The following SGCZ variants were observed in gnomAD, a reference collection of about 807,000 sequenced individuals.
The protein encoded by SGCZ is sarcoglycan zeta.
In SGCZ, 40 loss-of-function variants were observed where a neutral mutation model predicts 41.3. That is an observed-to-expected ratio of 0.97 (90% CI 0.75 to 1.26). SGCZ has a LOEUF of 1.26. Among genes scored for constraint, SGCZ ranks in the 50% most tolerant of loss-of-function variants. The pLI is 0.00. For missense variants in SGCZ, 552 were observed against 369.8 expected, an observed-to-expected ratio of 1.49 and a Z score of -4.04; for synonymous variants, 206 against 137.5, an observed-to-expected ratio of 1.50 and a Z score of -3.49.
chr8:15,177,808 G>A (rs1406003597), intron 1 of SGCZ, among the ~76,000 whole-genome samples: 1 of 152,132 alleles, frequency 6.6e-6, no homozygotes, highest in African/African-American at 2.4e-5. Context: ...CCCTGAACCA[G>A]TATACGTGGA....
At chr8:15,014,406 C>T (rs1802948300) in intron 1 of SGCZ, among the ~76,000 whole-genome samples, 1 of 152,172 alleles carries the variant, frequency 6.6e-6, no homozygotes, top group South Asian at 2.1e-4. Flanking sequence ...GGAATGGTAG[C>T]TTCATTTTGC....
At chr8:14,944,408 G>A (rs758019771) in intron 1 of SGCZ, among the ~76,000 whole-genome samples, 3 of 152,176 alleles carry the variant, frequency 2.0e-5, no homozygotes, top group Admixed American at 6.5e-5. Context: ...CCCTGTTGGA[G>A]TATGATTTTC....
chr8:14,978,914 T>C (rs745494168), intron 1 of SGCZ, among the ~76,000 whole-genome samples: 9 of 152,184 alleles, frequency 5.9e-5, no homozygotes, highest in Non-Finnish European at 8.8e-5. Flanking sequence ...TTCTCCCATA[T>C]TAGCCTCCTG....
chr8:15,101,544 A>G (rs2131082269), intron 1 of SGCZ, among the ~76,000 whole-genome samples: 1 of 152,336 alleles, frequency 6.6e-6, no homozygotes, highest in Non-Finnish European at 1.5e-5. Flanking sequence ...AGATACCTCT[A>G]TTAGAATGGC....
chr8:14,737,764 A>G (rs1799085043), intron 1 of SGCZ, among the ~76,000 whole-genome samples: 1 of 152,116 alleles, frequency 6.6e-6, no homozygotes. Context: ...TGTGCTAATG[A>G]CCTCATTTTA....
At chr8:14,193,207 T>C (rs1805160397) in intron 4 of SGCZ, among the ~76,000 whole-genome samples, 1 of 151,956 alleles carries the variant, frequency 6.6e-6, no homozygotes, top group African/African-American at 2.4e-5. Flanking sequence ...ATTTTACTCC[T>C]GCCATGTATA....
chr8:14,585,625 A>G (rs1805032030), intron 1 of SGCZ, among the ~76,000 whole-genome samples: 1 of 152,148 alleles, frequency 6.6e-6, no homozygotes, highest in Admixed American at 6.6e-5. Context: ...TTATTATTTT[A>G]TGAAAAATAT....
rs975646708 is a variant in SGCZ, at chr8:14,599,011, C to T, written c.40-44085G>A. Among the ~76,000 whole-genome samples the T allele has an allele frequency of 2.6e-5, 4 of 152,026 alleles. No homozygotes were observed. In the East Asian group the frequency reaches 5.8e-4, roughly 22 times the overall value. ...CAATATCCACATAATGTTTAAAATA[C>T]CCGGACATCTCAGATTCTAAACCTC... On this transcript the variant is annotated intron_variant, in intron 1 of 7. Coordinates refer to ENST00000382080, the MANE Select transcript of SGCZ (RefSeq NM_139167.4).
intron 1 of SGCZ, among the ~76,000 whole-genome samples, chr8:14,588,320 G>C (rs547257544): frequency 6.6e-6 from 1 of 152,002 alleles, no homozygotes; most frequent in Admixed American, 6.6e-5. Context: ...TGCCAAGAAA[G>C]TAATGACCAG....
chr8:14,576,184 A>G lies in SGCZ; in HGVS notation c.40-21258T>C, dbSNP rs188507676. On this transcript the variant is annotated intron_variant, in intron 1 of 7. Transcript: ENST00000382080. Reference sequence around the variant, plus strand: ...GTACCTGCCTTATAAAATGAGAGCCATGCAAATCTCCCAAGGTTTTGTGGT... The same window carrying G: ...GTACCTGCCTTATAAAATGAGAGCCGTGCAAATCTCCCAAGGTTTTGTGGT... 5.9e-5 allele frequency among the ~76,000 whole-genome samples: 9 copies of G among 152,326 alleles called. No individual in the cohort carries two copies. In the East Asian group the frequency reaches 1.7e-3, roughly 29 times the overall value.
chr8:14,842,847 A>T (rs975706926), intron 1 of SGCZ, among the ~76,000 whole-genome samples: 1 of 152,166 alleles, frequency 6.6e-6, no homozygotes, highest in African/African-American at 2.4e-5. Context: ...TGAAAACGGG[A>T]TGCTCCAGGG....
intron 1 of SGCZ, among the ~76,000 whole-genome samples, chr8:14,611,075 A>C (rs1377948242): frequency 6.6e-6 from 1 of 152,210 alleles, no homozygotes; most frequent in Non-Finnish European, 1.5e-5. Context: ...GTAAAATAAT[A>C]ATAATCAGCT....
At chr8:14,216,841 G>A (rs905453300) in intron 4 of SGCZ, among the ~76,000 whole-genome samples, 1 of 152,184 alleles carries the variant, frequency 6.6e-6, no homozygotes, top group African/African-American at 2.4e-5. Context: ...TCTGAGTCAT[G>A]TAAGTCCTAA....
At chr8:14,739,779 A>C (rs953653571) in intron 1 of SGCZ, among the ~76,000 whole-genome samples, 2 of 152,080 alleles carry the variant, frequency 1.3e-5, no homozygotes, top group African/African-American at 4.8e-5. Flanking sequence ...GACACTTTCT[A>C]ATGTGAACAC....
intron 1 of SGCZ, among the ~76,000 whole-genome samples, chr8:14,946,211 C>G (rs1043052239): frequency 6.7e-5 from 10 of 150,298 alleles, no homozygotes; most frequent in African/African-American, 2.4e-4. Flanking sequence ...TATGCAGAAC[C>G]ATGAAGCCTC....
At chr8:14,847,199 A>G (rs545475834) in intron 1 of SGCZ, among the ~76,000 whole-genome samples, 2 of 152,080 alleles carry the variant, frequency 1.3e-5, no homozygotes, top group Admixed American at 6.5e-5. Flanking sequence ...AAAAATACCA[A>G]TTCTACAAAA....
At chr8:14,933,505 C>A (rs1799985645) in intron 1 of SGCZ, among the ~76,000 whole-genome samples, 1 of 145,488 alleles carries the variant, frequency 6.9e-6, no homozygotes, top group South Asian at 2.1e-4. Context: ...CATCTCTGCT[C>A]ACTGCAAGCT....
At chr8:15,070,958 G>C (rs1006461702) in intron 1 of SGCZ, among the ~76,000 whole-genome samples, 2 of 152,068 alleles carry the variant, frequency 1.3e-5, no homozygotes, top group African/African-American at 4.8e-5. Flanking sequence ...CTCTTAGTAG[G>C]GGTGAGATGA....
At chr8:14,962,404 C>A (rs566938057) in intron 1 of SGCZ, among the ~76,000 whole-genome samples, 12 of 149,666 alleles carry the variant, frequency 8.0e-5, no homozygotes, top group East Asian at 7.8e-4. Flanking sequence ...ATATATATAT[C>A]TGTACAATTT....
Sources: allele counts gnomAD v4.1 joint callset (sites outside exome capture counted in the v4.1 genomes callset), GRCh38; gene constraint gnomAD v4.1.1; transcripts MANE v1.5; gene names NCBI Gene and HGNC (gene_info 2026-07-23, HGNC 2026-07-21).